The following PCDHGA2 variants were observed in gnomAD, a reference collection of about 807,000 sequenced individuals.
PCDHGA2 encodes protocadherin gamma-A2.
PCDHGA2 carries 40 observed loss-of-function variants against 59.2 expected under a neutral mutation model. The observed-to-expected ratio is 0.68, with a 90% CI of 0.52 to 0.88. The LOEUF (loss-of-function observed/expected upper bound fraction) is 0.88, where lower values mean the gene tolerates loss of function less well. Ranked by LOEUF, PCDHGA2 falls within the 40% of genes least tolerant of loss-of-function variation. The pLI, the probability that PCDHGA2 is intolerant of heterozygous loss-of-function variation, is 0.00. For missense variants in PCDHGA2, 1,226 were observed against 1,204.0 expected (o/e 1.02, Z -0.27); for synonymous variants, 560 against 526.0 (o/e 1.06, Z -0.89).
At chr5:141,399,642 G>A (rs755191053) in intron 1 of PCDHGA2, 154 of 1,613,630 alleles carry the variant, frequency 9.5e-5, no homozygotes, top group East Asian at 4.2e-4. Context: ...CCATGAGCGC[G>A]CAAAGTGGGG....
chr5:141,496,081 C>A (rs976166091), intron 2 of PCDHGA2, among the ~76,000 whole-genome samples: 1 of 152,060 alleles, frequency 6.6e-6, no homozygotes, highest in Non-Finnish European at 1.5e-5. Flanking sequence ...CACAACCCCC[C>A]ACCCACCACC....
In PCDHGA2 at chr5:141,476,656, T is replaced by A. The variant is rs190269177; in HGVS notation, c.2425-18151T>A. 6.2e-7 allele frequency: 1 copy of A among 1,614,210 alleles called. No individual in the cohort carries two copies. The highest frequency in any genetic ancestry group is 1.3e-5 in the African/African-American group (1 of 75,064). ...ATGAGCTGAGCCGAAATGAATACTTTGCGCTTCGCGTGCAGACGCGGGAGG... is the reference window on the plus strand; with the variant it reads ...ATGAGCTGAGCCGAAATGAATACTTAGCGCTTCGCGTGCAGACGCGGGAGG... On this transcript the variant is annotated intron_variant, in intron 1 of 3. Coordinates refer to ENST00000394576, the MANE Select transcript of PCDHGA2 (RefSeq NM_018915.4). This position sits in a 1 kb window ranked among gnomAD's most constrained non-coding sequence, Gnocchi z 7.6.
At chr5:141,352,309 A>C in intron 1 of PCDHGA2, 1 of 1,613,958 alleles carries the variant, frequency 6.2e-7, no homozygotes, top group East Asian at 2.2e-5. Flanking sequence ...CCCAGACGGA[A>C]CTGCAGTTTT....
At chr5:141,497,223 T>G (rs921763195) in intron 2 of PCDHGA2, among the ~76,000 whole-genome samples, 14 of 151,762 alleles carry the variant, frequency 9.2e-5, no homozygotes, top group African/African-American at 3.4e-4. Context: ...GGGGGGAAGA[T>G]CAGAGAAGGC....
intron 1 of PCDHGA2, chr5:141,390,890 G>C (rs1043821773): frequency 5.2e-5 from 8 of 152,592 alleles, no homozygotes; most frequent in African/African-American, 1.9e-4. Flanking sequence ...GTGTGTGTGA[G>C]AGAGATCCTT....
Position 141,350,156 on chromosome 5 carries a change from C to G in PCDHGA2, c.2424+8761C>G. 3.0e-6 allele frequency: 3 copies of G among 1,006,090 alleles called. No individual in the cohort carries two copies. In the East Asian group the frequency reaches 8.4e-5, roughly 28 times the overall value. 62.3% of individuals were successfully genotyped at this position (1,006,090 alleles called of 1,614,324 possible). ...GACGCTGCTCCTGTTCACCCTCGAG[C>G]GCCTAACTAATAAGTCCTAAGCTCA... On this transcript the variant is annotated intron_variant, in intron 1 of 3. Coordinates refer to ENST00000394576, the MANE Select transcript of PCDHGA2 (RefSeq NM_018915.4).
chr5:141,370,291 A>C (rs1766798910), intron 1 of PCDHGA2: 8 of 1,049,850 alleles, frequency 7.6e-6, no homozygotes, highest in Admixed American at 2.8e-5. Flanking sequence ...AGAGAACCCA[A>C]GCACAAAGAC....
At chr5:141,404,888 G>A (rs778498828) in intron 1 of PCDHGA2, 9 of 1,613,762 alleles carry the variant, frequency 5.6e-6, no homozygotes, top group East Asian at 2.2e-5. Context: ...TGTGGTGGCT[G>A]TACAGGACCA....
intron 1 of PCDHGA2, chr5:141,404,463 A>C: frequency 6.2e-7 from 1 of 1,612,548 alleles, no homozygotes. Flanking sequence ...CTCTCCACCT[A>C]TGTCTCTATT....
Position 141,431,999 on chromosome 5 carries a change from C to G in PCDHGA2, c.2425-62808C>G. The G allele has an allele frequency of 6.2e-7, 1 of 1,614,158 alleles. No homozygotes were observed. The highest frequency in any genetic ancestry group is 1.1e-5 in the South Asian group (1 of 91,086). On this transcript the variant is annotated intron_variant, in intron 1 of 3. Transcript: ENST00000394576. This position sits in a 1 kb window ranked among gnomAD's most constrained non-coding sequence, Gnocchi z 4.8. ...CACAGACATAGTCTTGGATAGGGAA[C>G]AGGTTCCTAGCTACAACATCACAGT... is the stretch of plus-strand genomic sequence containing the variant.
At chr5:141,370,834 T>C in intron 1 of PCDHGA2, 1 of 1,614,012 alleles carries the variant, frequency 6.2e-7, no homozygotes. Context: ...GAACTGGCTC[T>C]CACTGGAGCC....
intron 1 of PCDHGA2, among the ~76,000 whole-genome samples, chr5:141,481,620 C>G (rs1449979532): frequency 6.6e-6 from 1 of 152,112 alleles, no homozygotes; most frequent in African/African-American, 2.4e-5. Context: ...GAGTTCAAGA[C>G]CGGCCTGGCC....
intron 1 of PCDHGA2, among the ~76,000 whole-genome samples, chr5:141,349,440 C>T (rs1758293813): frequency 1.3e-5 from 2 of 152,124 alleles, no homozygotes; most frequent in African/African-American, 2.4e-5. Context: ...TGAGATTCCA[C>T]TTCATAAAAG....
At position 141,487,543 on chromosome 5, in the gene PCDHGA2, A is replaced by G. The variant is rs2099649285; in HGVS notation, c.2425-7264A>G. On this transcript the variant is annotated intron_variant, in intron 1 of 3. Coordinates refer to ENST00000394576, the MANE Select transcript of PCDHGA2 (RefSeq NM_018915.4). This position sits in a 1 kb window ranked among gnomAD's most constrained non-coding sequence, Gnocchi z 5.0. ...GTGATAGCTTCATGATGGTGAAGTC[A>G]CCCAGTGCACCTATGGCAGGGGAGC... is the stretch of plus-strand genomic sequence containing the variant. The G allele has an allele frequency of 3.7e-6, 6 of 1,614,114 alleles. No homozygotes were observed. In the South Asian group the frequency reaches 5.5e-5, roughly 15 times the overall value.
rs191354649 is a variant in PCDHGA2 at position 141,510,446 on chromosome 5, C to T, written c.2573-501C>T. 8.9e-4 allele frequency among the ~76,000 whole-genome samples: 135 copies of T among 152,154 alleles called. 1 individual carries two copies. Among genetic ancestry groups the T allele is most frequent in the Non-Finnish European group, 1.7e-3 (114 of 68,010 alleles). On this transcript the variant is annotated intron_variant, in intron 3 of 3. Coordinates refer to ENST00000394576, the MANE Select transcript of PCDHGA2 (RefSeq NM_018915.4). ...TTTCATGGCTGCTGCCCTCCAGGAG[C>T]CCATGGTCTAGTGTGGGAGTCAGAG...
Position 141,374,832 on chromosome 5 carries a change from G to A in PCDHGA2, c.2424+33437G>A, listed in dbSNP as rs776699327. On this transcript the variant is annotated intron_variant, in intron 1 of 3. Transcript: ENST00000394576. ...TTTACTCAGCCTGTCTACCGTGTAA[G>A]TGTTCCTGAAAACCTGCCAGTAGGC... 3.1e-6 allele frequency: 5 copies of A among 1,613,908 alleles called. 1 individual carries two copies. The South Asian group carries it at 5.5e-5, about 18-fold the overall frequency.
At chr5:141,365,637 G>A in intron 1 of PCDHGA2, 1 of 1,613,458 alleles carries the variant, frequency 6.2e-7, no homozygotes. Context: ...TCTACAGAAA[G>A]CCACATCCCC....
intron 1 of PCDHGA2, among the ~76,000 whole-genome samples, chr5:141,353,385 A>T: frequency 6.6e-6 from 1 of 152,332 alleles, no homozygotes; most frequent in Middle Eastern, 3.4e-3. Context: ...TATTAATGTA[A>T]TTATGTAATT....
chr5:141,405,103 G>A (rs368202826), intron 1 of PCDHGA2: 2 of 1,613,922 alleles, frequency 1.2e-6, no homozygotes, highest in Non-Finnish European at 1.7e-6. Flanking sequence ...TCAGGCTGAG[G>A]CACTGGCACT....
Sources: allele counts gnomAD v4.1 joint callset (sites outside exome capture counted in the v4.1 genomes callset), GRCh38; gene constraint gnomAD v4.1.1; non-coding constraint Gnocchi (gnomAD v3.1); transcripts MANE v1.5; gene names NCBI Gene and HGNC (gene_info 2026-07-23, HGNC 2026-07-21).